The following MEGF11 variants were observed in gnomAD, a reference collection of about 807,000 sequenced individuals.
MEGF11 encodes multiple epidermal growth factor-like domains protein 11.
Under a neutral mutation model 146.6 loss-of-function variants are expected in MEGF11, and 126 were observed. The ratio of observed to expected loss-of-function variants is 0.86; its 90% confidence interval spans 0.74 to 1.00. The LOEUF (loss-of-function observed/expected upper bound fraction) is 1.00, where lower values mean the gene tolerates loss of function less well. MEGF11 is among the 50% of genes least tolerant of loss of function. The probability of loss-of-function intolerance (pLI) is 0.00; values close to 1 mark genes in which losing one functional copy is unlikely to be tolerated. For synonymous variants in MEGF11, 532 were observed against 583.4 expected (o/e 0.91, Z 1.27); for missense variants, 1,509 against 1,521.2 (o/e 0.99, Z 0.13).
intron 4 of MEGF11, among the ~76,000 whole-genome samples, chr15:66,112,662 C>A: frequency 6.8e-6 from 1 of 146,894 alleles, no homozygotes; most frequent in South Asian, 2.3e-4. Context: ...ATAAAACAAA[C>A]AAATAAAAAC....
At chr15:66,122,025 G>A (rs2088050970) in intron 3 of MEGF11, among the ~76,000 whole-genome samples, 1 of 152,174 alleles carries the variant, frequency 6.6e-6, no homozygotes, top group South Asian at 2.1e-4. Flanking sequence ...AGCACTTTGG[G>A]AAGCTGAGGC....
At chr15:65,914,913 A>G (rs35128452) in intron 19 of MEGF11, among the ~76,000 whole-genome samples, 9,895 of 152,216 alleles carry the variant, frequency 0.065, 441 homozygotes, top group Non-Finnish European at 0.093. Context: ...ACCCCGCTGA[A>G]TCTCTTACTC....
chr15:66,084,214 C>T (rs1215754683), intron 5 of MEGF11, among the ~76,000 whole-genome samples: 1 of 152,124 alleles, frequency 6.6e-6, no homozygotes, highest in African/African-American at 2.4e-5. Context: ...ATGACGGTAT[C>T]TAATAAGTGG....
intron 1 of MEGF11, among the ~76,000 whole-genome samples, chr15:66,219,692 G>T (rs1342790974): frequency 1.1e-5 from 1 of 92,066 alleles, no homozygotes. Flanking sequence ...AAGTGGCACT[G>T]GTGTTCAAAA....
intron 5 of MEGF11, among the ~76,000 whole-genome samples, chr15:66,049,617 G>C (rs1032168663): frequency 2.0e-5 from 3 of 152,170 alleles, no homozygotes; most frequent in Middle Eastern, 3.2e-3. Flanking sequence ...GGGTTTGCTG[G>C]CTTTCTGGAA....
At chr15:66,037,182 C>T (rs944926679) in intron 5 of MEGF11, among the ~76,000 whole-genome samples, 4 of 152,294 alleles carry the variant, frequency 2.6e-5, no homozygotes, top group Admixed American at 2.6e-4. Context: ...TCGCAGCATC[C>T]AGCCCTCCCA....
intron 1 of MEGF11, among the ~76,000 whole-genome samples, chr15:66,190,398 G>A (rs2090836990): frequency 6.6e-6 from 1 of 152,152 alleles, no homozygotes; most frequent in Non-Finnish European, 1.5e-5. Context: ...TTTTCTAGAA[G>A]CCAGGTCCAA....
intron 5 of MEGF11, among the ~76,000 whole-genome samples, chr15:65,992,285 C>T (rs143422485): frequency 6.6e-6 from 1 of 152,272 alleles, no homozygotes; most frequent in African/African-American, 2.4e-5. Context: ...TTTATCAGAG[C>T]CGGGCATCTC....
chr15:66,172,567 G>C (rs2090289824), intron 1 of MEGF11, among the ~76,000 whole-genome samples: 1 of 152,138 alleles, frequency 6.6e-6, no homozygotes, highest in Non-Finnish European at 1.5e-5. Context: ...GCTCCCATCA[G>C]GTGATCCCCC....
chr15:65,935,783 GCATACC>G (rs2079761745), intron 10 of MEGF11, among the ~76,000 whole-genome samples: 1 of 152,150 alleles, frequency 6.6e-6, no homozygotes, highest in Non-Finnish European at 1.5e-5. Flanking sequence ...CAGTACCAAT[GCATACC>G]AGGTTCTAAC....
intron 5 of MEGF11, among the ~76,000 whole-genome samples, chr15:66,009,396 G>T (rs1596985170): frequency 6.6e-6 from 1 of 152,024 alleles, no homozygotes; most frequent in East Asian, 1.9e-4. Context: ...GTGTCCTTGG[G>T]GATGCTTCCT....
At chr15:66,027,812 G>A (rs1400426442) in intron 5 of MEGF11, among the ~76,000 whole-genome samples, 1 of 152,168 alleles carries the variant, frequency 6.6e-6, no homozygotes, top group African/African-American at 2.4e-5. Flanking sequence ...AGAGCATTGG[G>A]CTTAGGATCA....
In MEGF11 at chr15:65,929,945, CT is replaced by C. The variant is rs2079514870; in HGVS notation, c.1409-63del. ...AGGCCCAGTGTGTCTTTTTTGCCCA[CT>C]CCCCCCAGCTCTGCACACAGCATTC... On this transcript the variant is annotated intron_variant, in intron 11 of 25. Coordinates refer to ENST00000395614, the MANE Select transcript of MEGF11 (RefSeq NM_001385028.1). 2.4e-5 allele frequency: 35 copies of C among 1,481,700 alleles called. 3 individuals carry two copies. In the South Asian group the frequency reaches 4.3e-4, roughly 18 times the overall value. The allele number at this position is 1,481,700 out of a possible 1,614,324, so 91.8% of individuals were successfully genotyped here.
At chr15:66,064,825 G>C (rs2085051602) in intron 5 of MEGF11, among the ~76,000 whole-genome samples, 1 of 152,052 alleles carries the variant, frequency 6.6e-6, no homozygotes, top group Admixed American at 6.5e-5. Flanking sequence ...CACCACTCCC[G>C]GCCTTGTGAG....
intron 4 of MEGF11, among the ~76,000 whole-genome samples, chr15:66,117,039 C>G (rs1360820136): frequency 2.0e-5 from 3 of 152,198 alleles, no homozygotes; most frequent in Non-Finnish European, 4.4e-5. Flanking sequence ...GTTTCCCCAT[C>G]TGTCAAATGA....
rs774700069 is a variant in MEGF11, at chr15:65,915,588, T to G, written c.2355A>C (p.Pro785=). Residue 785 remains proline (P), a synonymous_variant, in exon 19 of 26, where the codon CCA becomes CCC. Transcript: ENST00000395614. ...GCTGACACCCATAGCCAAAGGTTCCTGGGGCACATCCTGTGTGGCACAAAG... is the reference window on the plus strand; with the variant it reads ...GCTGACACCCATAGCCAAAGGTTCCGGGGGCACATCCTGTGTGGCACAAAG... The part of the protein sequence containing the change: ...TGQHCEQRCA[P]GTFGYGCQQL... 1 of 1,613,912 alleles carries G rather than the reference T, an allele frequency of 6.2e-7. No individual in the cohort carries two copies. Among genetic ancestry groups the G allele is most frequent in the Non-Finnish European group, 8.5e-7 (1 of 1,179,844 alleles).
At chr15:66,145,457 T>C (rs950979496) in intron 1 of MEGF11, among the ~76,000 whole-genome samples, 2 of 152,158 alleles carry the variant, frequency 1.3e-5, no homozygotes, top group Non-Finnish European at 2.9e-5. Flanking sequence ...ACATTAATAA[T>C]TAGCTATAGC....
At chr15:66,160,666 C>CACACACACACACACAA (rs2089919184) in intron 1 of MEGF11, among the ~76,000 whole-genome samples, 1 of 138,814 alleles carries the variant, frequency 7.2e-6, no homozygotes, top group Non-Finnish European at 1.6e-5. Context: ...CCTAAGGGGA[C>CACACACACACACACAA]ACACACACAC....
In MEGF11 at chr15:65,955,781, TATATATATATATAC is replaced by T. The variant is rs1249603591; in HGVS notation, c.1287+1752_1287+1765del. Among the ~76,000 whole-genome samples, 5 of 8,252 alleles carry T rather than the reference TATATATATATATAC, an allele frequency of 6.1e-4. 1 individual carries two copies. Among genetic ancestry groups the T allele is most frequent in the South Asian group, 0.015 (1 of 68 alleles). 5.4% of individuals were successfully genotyped at this position (8,252 alleles called of 152,430 possible). A position where few individuals can be genotyped will look rare whatever the true frequency, so the allele number is the denominator to read the frequency against. On this transcript the variant is annotated intron_variant, in intron 10 of 25. Coordinates refer to ENST00000395614, the MANE Select transcript of MEGF11 (RefSeq NM_001385028.1). ...AAAAAAATATATATATATATATATA[TATATATATATATAC>T]ACACACACACACACACACAATACTT...
Sources: gnomAD v4.1 joint callset for allele counts (sites outside exome capture counted in the v4.1 genomes callset) on GRCh38, gnomAD v4.1.1 for gene constraint, MANE v1.5 for transcripts, NCBI Gene and HGNC (gene_info 2026-07-23, HGNC 2026-07-21) for gene names.